Variants in DSC3 observed in about 807,000 individuals in gnomAD.
DSC3 encodes the protein desmocollin-3.
In DSC3, 97 loss-of-function variants were observed where a neutral mutation model predicts 89.5. The observed-to-expected ratio is 1.08, with a 90% confidence interval of 0.92 to 1.28. DSC3 has a LOEUF of 1.28. Ranked by LOEUF, DSC3 falls within the 50% of genes most tolerant of loss-of-function variation. The pLI is 0.00. For synonymous variants in DSC3, 436 were observed against 384.1 expected, an observed-to-expected ratio of 1.14 and a Z score of -1.58; for missense variants, 1,199 against 1,085.3, an observed-to-expected ratio of 1.10 and a Z score of -1.47.
chr18:31,024,184 C>T (rs992931438), intron 6 of DSC3, among the ~76,000 whole-genome samples, 165 bp downstream of exon 6: 5 of 152,090 alleles, frequency 3.3e-5, no homozygotes, highest in African/African-American at 1.2e-4. Flanking sequence ...CTGGGCAAGG[C>T]ACATGTTGAT....
intron 9 of DSC3, among the ~76,000 whole-genome samples, chr18:31,017,565 A>G (rs575365814): frequency 2.2e-4 from 34 of 152,210 alleles, no homozygotes; most frequent in Non-Finnish European, 4.0e-4. Context: ...TAAAAGGATC[A>G]GATACAACCA....
chr18:31,035,331 C>T (rs1222619498), intron 1 of DSC3, among the ~76,000 whole-genome samples: 1 of 151,832 alleles, frequency 6.6e-6, no homozygotes, highest in Admixed American at 6.6e-5. Flanking sequence ...AAAATATGGA[C>T]AAATAGGGCC....
chr18:31,002,700 C>CAA (rs78660458), intron 13 of DSC3, among the ~76,000 whole-genome samples: 3 of 87,094 alleles, frequency 3.4e-5, no homozygotes, highest in Non-Finnish European at 2.5e-5. Flanking sequence ...AACTCTGCCT[C>CAA]AAAAAAAAAA....
intron 7 of DSC3, among the ~76,000 whole-genome samples, chr18:31,022,076 A>AG (rs1985438768): frequency 6.6e-6 from 1 of 152,122 alleles, no homozygotes; most frequent in Non-Finnish European, 1.5e-5. Flanking sequence ...GCCACACATA[A>AG]GAAAAAAAAA....
rs2144730059 is a variant in DSC3, at chr18:31,031,056, T to C, written c.271A>G (p.Lys91Glu). Residue 91 changes from lysine (K) to glutamate (E), a missense_variant, in exon 3 of 16, where the codon AAA becomes GAA. Transcript: ENST00000360428. ...GAAAGCCATATGGTAAATGATCTTT[T>C]CTTATCAGACAGCGCAACAGCCCTG... is the stretch of plus-strand genomic sequence containing the variant. ...TARAVALSDKKRSFTIWLSDK... is the reference protein window; with the variant it reads ...TARAVALSDKERSFTIWLSDK... 4 of 1,614,092 alleles carry C rather than the reference T, an allele frequency of 2.5e-6. No individual in the cohort carries two copies. The highest frequency in any genetic ancestry group is 2.2e-5 in the East Asian group (1 of 44,866).
intron 5 of DSC3, 27 bp from the exon 6 acceptor site, chr18:31,024,520 A>G: frequency 6.2e-7 from 1 of 1,608,810 alleles, no homozygotes; most frequent in Non-Finnish European, 8.5e-7. Context: ...AGAAAGTTCC[A>G]TTAATATCAG....
chr18:31,005,211 G>C (rs769678361), intron 12 of DSC3, among the ~76,000 whole-genome samples: 1 of 152,028 alleles, frequency 6.6e-6, no homozygotes, highest in Non-Finnish European at 1.5e-5. Context: ...TTACCACTTG[G>C]GTTTACTTAG....
intron 11 of DSC3, 152 bp downstream of exon 11, chr18:31,007,864 A>C (rs1436429215): frequency 4.0e-6 from 3 of 752,976 alleles, no homozygotes; most frequent in African/African-American, 1.8e-5. Context: ...AAACAGTTTC[A>C]CCTTGTTAGA....
chr18:31,023,668 A>G (rs1443581100), intron 6 of DSC3, among the ~76,000 whole-genome samples: 1 of 152,176 alleles, frequency 6.6e-6, no homozygotes, highest in Non-Finnish European at 1.5e-5. Context: ...GTCATCCTTT[A>G]TGACTGAATC....
rs138482790 is a variant in DSC3, at chr18:31,004,202, C to T, written c.2053G>A (p.Gly685Arg). The T allele has an allele frequency of 4.9e-5, 79 of 1,613,864 alleles. No homozygotes were observed. The Middle Eastern group carries it at 6.6e-4, about 13-fold the overall frequency. ...TQCRATSRST[G>R]VILGKWAILA... is the part of the protein sequence containing the mutation. ...ATTGCCCATTTTCCAAGTATTACTC[C>T]TGTACTCCTTGAAGTCGCACGACAC... Residue 685 changes from glycine to arginine, a missense_variant, in exon 13 of 16, where the codon GGA (glycine) becomes AGA (arginine). Transcript: ENST00000360428.
At chr18:31,015,065 G>A (rs190681) in intron 9 of DSC3, among the ~76,000 whole-genome samples, 87,464 of 151,950 alleles carry the variant, frequency 0.58, 26,036 homozygotes, top group East Asian at 0.94. Context: ...ATTCATGGTA[G>A]CTACTTTTAA....
chr18:31,024,656 A>T lies in DSC3; in HGVS notation c.631-163T>A, dbSNP rs62087288. On this transcript the variant is annotated intron_variant, in intron 5 of 15. Coordinates refer to ENST00000360428, the MANE Select transcript of DSC3 (RefSeq NM_001941.5). Reference sequence around the variant, plus strand: ...TTATCAAAGCACCAAATGGAGAAACACTTTACTGCAAAGAGCATCCAGTAT... The same window carrying T: ...TTATCAAAGCACCAAATGGAGAAACTCTTTACTGCAAAGAGCATCCAGTAT... 3.1e-3 allele frequency among the ~76,000 whole-genome samples: 467 copies of T among 152,314 alleles called. 1 individual carries two copies. Among genetic ancestry groups the T allele is most frequent in the Non-Finnish European group, 5.2e-3 (352 of 68,014 alleles).
At chr18:31,011,181 T>C (rs191502828) in intron 9 of DSC3, among the ~76,000 whole-genome samples, 2 of 152,360 alleles carry the variant, frequency 1.3e-5, no homozygotes, top group East Asian at 3.9e-4. Context: ...GAAAGTTATT[T>C]AGTCTCTTTA....
chr18:31,031,132 C>T lies in DSC3; in HGVS notation c.195G>A (p.Arg65=), dbSNP rs1985776883. The stretch of plus-strand genomic sequence containing the variant: ...GAACTCTGAAATCAGGATCACTTGA[C>T]CGGATGAGGTCTGCAGACCTGAAGC... ...EECFRSADLI[R]SSDPDFRVLN... The change falls in exon 3 of 16, where the codon CGG becomes CGA. Residue 65 remains arginine (R), a synonymous_variant. Coordinates refer to ENST00000360428, the MANE Select transcript of DSC3 (RefSeq NM_001941.5). 1.2e-6 allele frequency: 2 copies of T among 1,613,236 alleles called. No homozygotes were observed. The highest frequency in any genetic ancestry group is 1.3e-5 in the African/African-American group (1 of 74,864).
At position 31,008,342 on chromosome 18, in the gene DSC3, T is replaced by G; in HGVS notation, c.1447A>C (p.Asn483His). ...PAAQYVRIKE[N>H]LAVGSKINGY... ...TTGATCTTTGACCCCACTGCTAAGT[T>G]TTCTTTAATCCGCACATATTGGGCT... The change falls in exon 10 of 16, where the codon AAC becomes CAC. Residue 483 changes from asparagine (N) to histidine (H), a missense_variant. Asn to His is a moderately conservative substitution (Grantham distance 68, BLOSUM62 1). Transcript: ENST00000360428. The G allele has an allele frequency of 6.2e-7, 1 of 1,614,136 alleles. No individual in the cohort carries two copies. The highest frequency in any genetic ancestry group is 8.5e-7 in the Non-Finnish European group (1 of 1,180,018).
At chr18:31,039,014 G>A (rs1019967352) in intron 1 of DSC3, among the ~76,000 whole-genome samples, 5 of 151,936 alleles carry the variant, frequency 3.3e-5, no homozygotes, top group South Asian at 4.1e-4. Flanking sequence ...AGTAAAAAAT[G>A]TAAAGACACT....
chr18:31,004,149 C>T lies in DSC3; in HGVS notation c.2106G>A (p.Leu702=). 1 of 1,607,316 alleles carries T rather than the reference C, an allele frequency of 6.2e-7. No individual in the cohort carries two copies. The highest frequency in any genetic ancestry group is 1.1e-5 in the South Asian group (1 of 90,358). Residue 702 remains leucine, a synonymous_variant, in exon 13 of 16, where the codon CTG becomes CTA. Transcript: ENST00000360428. ...AILAILLGIA[L]LFSVLLTLVC... ...GAAAGTGAAAATACTTACAAAAGAGCAGTGCTATACCCAGTAATATTGCAA... is the reference window on the plus strand; with the variant it reads ...GAAAGTGAAAATACTTACAAAAGAGTAGTGCTATACCCAGTAATATTGCAA...
rs543898845 is a variant in DSC3 at position 31,007,027 on chromosome 18, C to T, written c.1768G>A (p.Gly590Arg). Residue 590 changes from glycine to arginine, a missense_variant, in exon 12 of 16, where the codon GGG (glycine) becomes AGG (arginine). Gly to Arg is a moderately radical substitution (Grantham distance 125). Transcript: ENST00000360428. ...EYVVICKPKM[G>R]YTDILAVDPD... ...TCAACAGCTAAAATGTCGGTATACC[C>T]CATTTTTGGTTTGCAAATGACTACA... The T allele has an allele frequency of 3.0e-5, 48 of 1,613,302 alleles. No homozygotes were observed. The South Asian group carries it at 4.8e-4, about 16-fold the overall frequency.
intron 14 of DSC3, among the ~76,000 whole-genome samples, chr18:30,999,354 G>GA (rs906471385): frequency 2.7e-5 from 4 of 150,280 alleles, no homozygotes; most frequent in Admixed American, 2.0e-4. Flanking sequence ...AAAAATACCA[G>GA]AAAAAAAGAA....
Sources: gnomAD v4.1 joint callset for allele counts (sites outside exome capture counted in the v4.1 genomes callset) on GRCh38, gnomAD v4.1.1 for gene constraint, MANE v1.5 for transcripts, NCBI Gene and HGNC (gene_info 2026-07-23, HGNC 2026-07-21) for gene names.